Variants in SNRNP200 observed in about 807,000 individuals in gnomAD.
SNRNP200 encodes U5 small nuclear ribonucleoprotein 200 kDa helicase.
In SNRNP200, 66 loss-of-function variants were observed where a neutral mutation model predicts 255.2. That is an observed-to-expected ratio of 0.26 (90% CI 0.21 to 0.32). The LOEUF is 0.32. SNRNP200 is among the 10% of genes least tolerant of loss of function. The pLI, the probability that SNRNP200 is intolerant of heterozygous loss-of-function variation, is 1.00. For synonymous variants in SNRNP200, 939 were observed against 1,027.8 expected (o/e 0.91, Z 1.65); for missense variants, 1,585 against 2,749.8 (o/e 0.58, Z 9.47).
At position 96,293,321 on chromosome 2, in the gene SNRNP200, G is replaced by A. The variant is rs777430176; in HGVS notation, c.2031C>T (p.Asp677=). ...TGCCCAGTCTTTCCTGATACCTGTT[G>A]TCAAAGTAAAAGAGACCCTTGGCAG... ...VDPAKGLFYF[D]NSFRPVPLEQ... The change falls in exon 15 of 45, where the codon GAC becomes GAT. Residue 677 remains aspartate (D), a synonymous_variant. Transcript: ENST00000323853. 1.1e-5 allele frequency: 17 copies of A among 1,613,972 alleles called. No homozygotes were observed. In the South Asian group the frequency reaches 1.8e-4, roughly 17 times the overall value.
Position 96,298,380 on chromosome 2 carries a change from A to T in SNRNP200, c.1023T>A (p.Ala341=). The T allele has an allele frequency of 6.2e-7, 1 of 1,614,128 alleles. No individual in the cohort carries two copies. Among genetic ancestry groups the T allele is most frequent in the Non-Finnish European group, 8.5e-7 (1 of 1,180,022 alleles). The change falls in exon 9 of 45, where the codon GCT becomes GCA. Residue 341 remains alanine, a synonymous_variant. Coordinates refer to ENST00000323853, the MANE Select transcript of SNRNP200 (RefSeq NM_014014.5). ...CTLLASAQSE[A]EKERIMGKME... is the part of the protein sequence containing the mutation. The stretch of plus-strand genomic sequence containing the variant: ...TCTTTCCCATAATCCTTTCCTTTTC[A>T]GCTTCACTTTGTGCACTGGCCAGCA...
At chr2:96,280,694 C>T (rs946429572) in intron 35 of SNRNP200, among the ~76,000 whole-genome samples, 10 of 150,586 alleles carry the variant, frequency 6.6e-5, no homozygotes, top group Admixed American at 2.0e-4. Flanking sequence ...GGATTACAGG[C>T]GCGTGCCACC....
Position 96,286,011 on chromosome 2 carries a change from C to A in SNRNP200, c.4003+300G>T, listed in dbSNP as rs911714770. On this transcript the variant is annotated intron_variant, in intron 29 of 44. Coordinates refer to ENST00000323853, the MANE Select transcript of SNRNP200 (RefSeq NM_014014.5). This position sits in a 1 kb window ranked among gnomAD's most constrained non-coding sequence, Gnocchi z 4.8. ...ATGTGGTGAGGAGGCTTCAGTGCCA[C>A]CCCATGGTTCTGGTTCAATACTTGA... 3.9e-5 allele frequency among the ~76,000 whole-genome samples: 6 copies of A among 152,226 alleles called. No individual in the cohort carries two copies.
chr2:96,284,990 T>C (rs373718856), intron 30 of SNRNP200, 190 bp downstream of exon 30: 41 of 698,454 alleles, frequency 5.9e-5, no homozygotes, highest in East Asian at 5.4e-4. Context: ...TCTCCGGAGA[T>C]CTGCCCGCCT....
Position 96,291,846 on chromosome 2 carries a change from G to A in SNRNP200, c.2215C>T (p.Arg739Trp), listed in dbSNP as rs780925650. The A allele has an allele frequency of 5.0e-6, 8 of 1,614,052 alleles. No homozygotes were observed. The highest frequency in any genetic ancestry group is 1.1e-5 in the South Asian group (1 of 91,088). The change falls in exon 17 of 45, where the codon CGG (arginine) becomes TGG (tryptophan). Residue 739 changes from arginine (R) to tryptophan (W), a missense_variant. Physicochemically the swap from Arg to Trp is moderately radical, Grantham distance 101. This residue lies in a region of SNRNP200 where 140 missense variants were observed against 274.9 expected (regional missense o/e 0.51). Transcript: ENST00000323853. The surrounding 1 kb of genome is among the most constrained non-coding windows in gnomAD (Gnocchi z 4.2). ...GTGTCCTTTTCTAGGCACATGTCCC[G>A]GATGGCCCTGGCTGTCTTTCCAGTC... ...KETGKTARAIRDMCLEKDTLG... is the reference protein window; with the variant it reads ...KETGKTARAIWDMCLEKDTLG...
chr2:96,289,819 T>C lies in SNRNP200; in HGVS notation c.2920A>G (p.Lys974Glu). 6.2e-7 allele frequency: 1 copy of C among 1,614,166 alleles called. No homozygotes were observed. Among genetic ancestry groups the C allele is most frequent in the Non-Finnish European group, 8.5e-7 (1 of 1,180,036 alleles). The change falls in exon 21 of 45, where the codon AAG becomes GAG. Residue 974 changes from lysine to glutamate, a missense_variant. By Grantham distance (56) the Lys-to-Glu change is moderately conservative (BLOSUM62 1). Transcript: ENST00000323853. ...CGCACCTGGAAGTTGCCCGTCTTCT[T>C]GTCGTACTTGACCAGATTGTTCTTG... ...LDKNNLVKYD[K>E]KTGNFQVTEL...
At chr2:96,275,922 C>T (rs895783411) in intron 43 of SNRNP200, among the ~76,000 whole-genome samples, 8 of 152,168 alleles carry the variant, frequency 5.3e-5, no homozygotes, top group African/African-American at 1.7e-4. Context: ...AGGAGGATGG[C>T]GTGATTCCGG....
At chr2:96,275,547 T>C (rs1684640468) in intron 43 of SNRNP200, among the ~76,000 whole-genome samples, 198 bp from the exon 44 acceptor site, 1 of 152,226 alleles carries the variant, frequency 6.6e-6, no homozygotes, top group Admixed American at 6.5e-5. Context: ...GTAGATGAAT[T>C]CATTTGTTGG....
chr2:96,303,272 G>A lies in SNRNP200; in HGVS notation c.268C>T (p.Leu90=), dbSNP rs758499341. ...DINKMKGYTL[L]SEGIDEMVGI... ...ACCATCTCATCAATGCCCTCCGACAGCAGAGTATAACCCTTCATCTTGTTG... is the reference window on the plus strand; with the variant it reads ...ACCATCTCATCAATGCCCTCCGACAACAGAGTATAACCCTTCATCTTGTTG... The change falls in exon 3 of 45, where the codon CTG becomes TTG. Residue 90 remains leucine (L), a synonymous_variant. Transcript: ENST00000323853. 2 of 1,614,148 alleles carry A rather than the reference G, an allele frequency of 1.2e-6. No homozygotes were observed. The highest frequency in any genetic ancestry group is 2.2e-5 in the East Asian group (1 of 44,878).
chr2:96,277,900 C>T lies in SNRNP200; in HGVS notation c.5661G>A (p.Pro1887=), dbSNP rs191125461. The T allele has an allele frequency of 2.5e-5, 40 of 1,614,162 alleles. No homozygotes were observed. In the Admixed American group the frequency reaches 4.2e-4, roughly 17 times the overall value. Reference sequence around the variant, plus strand: ...GCAGGAGCAGGTTGGTCTTGACGTGCGGATCATTGAACTTAGGGTTATTCA... The same window carrying T: ...GCAGGAGCAGGTTGGTCTTGACGTGTGGATCATTGAACTTAGGGTTATTCA... ...HKLNNPKFND[P]HVKTNLLLQA... is the part of the protein sequence containing the mutation. The change falls in exon 40 of 45, where the codon CCG becomes CCA. Residue 1887 remains proline, a synonymous_variant. Transcript: ENST00000323853. This position sits in a 1 kb window ranked among gnomAD's most constrained non-coding sequence, Gnocchi z 4.4.
Position 96,287,659 on chromosome 2 carries a change from A to T in SNRNP200, c.3366-102T>A. 1.0e-6 allele frequency: 1 copy of T among 997,478 alleles called. No individual in the cohort carries two copies. Among genetic ancestry groups the T allele is most frequent in the Non-Finnish European group, 1.6e-6 (1 of 618,070 alleles). The allele number at this position is 997,478 out of a possible 1,614,324, so 61.8% of individuals were successfully genotyped here. ...GTTTAGCAGTGACTACACAAAACAC[A>T]GTCATTAAAGGCAGACACTGACACT... On this transcript the variant is annotated intron_variant, in intron 25 of 44. Transcript: ENST00000323853. This position sits in a 1 kb window ranked among gnomAD's most constrained non-coding sequence, Gnocchi z 5.7.
intron 3 of SNRNP200, among the ~76,000 whole-genome samples, chr2:96,302,698 T>C (rs2063960526): frequency 1.3e-5 from 2 of 152,236 alleles, no homozygotes; most frequent in South Asian, 4.1e-4. Flanking sequence ...TGCTTCTCAC[T>C]ATACAGCTAT....
chr2:96,299,026 C>A, intron 6 of SNRNP200, 59 bp from the exon 7 acceptor site: 1 of 1,604,872 alleles, frequency 6.2e-7, no homozygotes, highest in Non-Finnish European at 8.5e-7. Context: ...ATCACTTTGC[C>A]ACCACCCTGC....
intron 34 of SNRNP200, 148 bp from the exon 35 acceptor site, chr2:96,282,070 G>A: frequency 1.5e-6 from 1 of 653,784 alleles, no homozygotes; most frequent in Middle Eastern, 3.5e-4. Context: ...ACATGAATGA[G>A]AGCTAACACA....
rs1208732189 is a variant in SNRNP200, at chr2:96,285,253, A to G, written c.4091T>C (p.Ile1364Thr). The change falls in exon 30 of 45, where the codon ATC (isoleucine) becomes ACC (threonine). Residue 1364 changes from isoleucine to threonine, a missense_variant. Around this residue, in one of 9 missense-constraint regions of SNRNP200, gnomAD observed 719 missense variants for 1,091.1 expected, o/e 0.66. Transcript: ENST00000323853. ...SGKTICAEFA[I>T]LRMLLQSSEG... ...CGAGCTCTGCAGCAGCATTCGCAGG[A>G]TGGCAAACTCTGCACAAATAGTCTT... 1 of 1,614,202 alleles carries G rather than the reference A, an allele frequency of 6.2e-7. No homozygotes were observed. Among genetic ancestry groups the G allele is most frequent in the Non-Finnish European group, 8.5e-7 (1 of 1,180,038 alleles).
Position 96,277,072 on chromosome 2 carries a change from C to T in SNRNP200, c.6092+9G>A. Reference sequence around the variant, plus strand: ...ATGCTGTGCCCAACAGGCACCACCTCTGGCTCACCTGCGGATGCTGTCCTT... The same window carrying T: ...ATGCTGTGCCCAACAGGCACCACCTTTGGCTCACCTGCGGATGCTGTCCTT... On this transcript the variant is annotated intron_variant, in intron 42 of 44. Transcript: ENST00000323853. The surrounding 1 kb of genome is among the most constrained non-coding windows in gnomAD (Gnocchi z 4.4). 6.2e-7 allele frequency: 1 copy of T among 1,614,228 alleles called. No individual in the cohort carries two copies. The highest frequency in any genetic ancestry group is 8.5e-7 in the Non-Finnish European group (1 of 1,180,036).
rs1252725907 is a variant in SNRNP200 at position 96,287,583 on chromosome 2, T to C, written c.3366-26A>G. ...CTATCCAGGAAGGAGGCAAAGCTGT[T>C]GGTCCCTTCTGCAGGGATGTGACAA... On this transcript the variant is annotated intron_variant, in intron 25 of 44. Transcript: ENST00000323853. The surrounding 1 kb of genome is among the most constrained non-coding windows in gnomAD (Gnocchi z 5.7). 22 of 1,553,310 alleles carry C rather than the reference T, an allele frequency of 1.4e-5. No individual in the cohort carries two copies. Among genetic ancestry groups the C allele is most frequent in the Non-Finnish European group, 1.9e-5 (21 of 1,124,624 alleles).
At chr2:96,282,473 C>A (rs1238864553) in intron 34 of SNRNP200, 1 of 178,174 alleles carries the variant, frequency 5.6e-6, no homozygotes, top group Non-Finnish European at 1.2e-5. Flanking sequence ...CTGTGCTAAT[C>A]TCTAAAGTCT....
At chr2:96,289,742 T>C (rs3214058) in intron 21 of SNRNP200, 57 bp downstream of exon 21, 566,146 of 1,561,864 alleles carry the variant, frequency 0.36, 110,078 homozygotes, top group South Asian at 0.69. Flanking sequence ...GAAAAATTTT[T>C]TCCTGGGCCA....
Sources: allele counts gnomAD v4.1 joint callset (sites outside exome capture counted in the v4.1 genomes callset), GRCh38; gene constraint gnomAD v4.1.1; regional missense constraint gnomAD v4.1.1; non-coding constraint Gnocchi (gnomAD v3.1); transcripts MANE v1.5; gene names NCBI Gene and HGNC (gene_info 2026-07-23, HGNC 2026-07-21).